Variants in NRXN1 observed in about 807,000 individuals in gnomAD.
The protein encoded by NRXN1 is neurexin-1.
NRXN1 carries 39 observed loss-of-function variants against 150.9 expected under a neutral mutation model. The observed-to-expected ratio is 0.26, with a 90% CI of 0.20 to 0.34. The LOEUF is 0.34. Among genes scored for constraint, NRXN1 ranks in the 10% least tolerant of loss-of-function variants. The probability of loss-of-function intolerance (pLI) is 1.00; values close to 1 mark genes in which losing one functional copy is unlikely to be tolerated. For missense variants in NRXN1, 1,815 were observed against 1,949.9 expected, an observed-to-expected ratio of 0.93 and a Z score of 1.30; for synonymous variants, 924 against 757.0, an observed-to-expected ratio of 1.22 and a Z score of -3.62.
chr2:50,671,130 T>A (rs1365177027), intron 5 of NRXN1, among the ~76,000 whole-genome samples: 1 of 151,856 alleles, frequency 6.6e-6, no homozygotes, highest in Admixed American at 6.6e-5. Flanking sequence ...TTTAAAAACA[T>A]GACTTCTACA....
chr2:50,066,091 T>C (rs1004677566), intron 19 of NRXN1, among the ~76,000 whole-genome samples: 6 of 152,332 alleles, frequency 3.9e-5, no homozygotes, highest in African/African-American at 9.6e-5. Context: ...GTTCCAAAAA[T>C]ACTTCACCTT....
intron 5 of NRXN1, among the ~76,000 whole-genome samples, chr2:50,749,524 A>G (rs1473635160): frequency 6.6e-6 from 1 of 152,066 alleles, no homozygotes; most frequent in African/African-American, 2.4e-5. Context: ...TTGGGAGGAG[A>G]AAATAGAGGC....
At chr2:50,189,366 G>A (rs2061308778) in intron 18 of NRXN1, among the ~76,000 whole-genome samples, 1 of 151,984 alleles carries the variant, frequency 6.6e-6, no homozygotes, top group African/African-American at 2.4e-5. Context: ...GAGCCTGCTG[G>A]GGGTTGGGGG....
At chr2:49,974,208 C>G (rs918562601) in intron 21 of NRXN1, 8 of 697,290 alleles carry the variant, frequency 1.1e-5, no homozygotes, top group African/African-American at 8.8e-5. Context: ...AGAAAACGCT[C>G]TGTCAGTCAC....
At chr2:50,221,189 A>G (rs2063859241) in intron 18 of NRXN1, among the ~76,000 whole-genome samples, 2 of 151,926 alleles carry the variant, frequency 1.3e-5, no homozygotes, top group Non-Finnish European at 2.9e-5. Context: ...GGAAATAAAC[A>G]ACAAAGAACT....
intron 5 of NRXN1, among the ~76,000 whole-genome samples, chr2:50,659,473 T>C (rs962941557): frequency 1.1e-4 from 17 of 151,876 alleles, no homozygotes; most frequent in African/African-American, 3.4e-4. Context: ...ACGCAACACA[T>C]TGGTATACTG....
chr2:50,763,529 G>T (rs1023178584), intron 5 of NRXN1, among the ~76,000 whole-genome samples: 1 of 151,228 alleles, frequency 6.6e-6, no homozygotes, highest in Non-Finnish European at 1.5e-5. Flanking sequence ...TTATTATTAT[G>T]CTAGGCACTT....
intron 18 of NRXN1, among the ~76,000 whole-genome samples, chr2:50,228,656 C>T (rs544548260): frequency 6.6e-6 from 1 of 151,960 alleles, no homozygotes; most frequent in Admixed American, 6.6e-5. Context: ...TATGAAGATA[C>T]CCTTTTTCAT....
At chr2:50,411,097 C>A (rs901612962) in intron 17 of NRXN1, among the ~76,000 whole-genome samples, 1 of 151,648 alleles carries the variant, frequency 6.6e-6, no homozygotes, top group South Asian at 2.1e-4. Context: ...TGATGCCGAG[C>A]GGAGGCTGGA....
chr2:50,383,838 C>T (rs1473728974), intron 17 of NRXN1, among the ~76,000 whole-genome samples: 1 of 152,178 alleles, frequency 6.6e-6, no homozygotes, highest in Admixed American at 6.5e-5. Context: ...ATCAAATCTA[C>T]TCCTGACAGT....
rs1668041398 is a variant in NRXN1 at position 49,920,710 on chromosome 2, GT to G, written c.*1233del. 5.0e-5 allele frequency: 4 copies of G among 79,342 alleles called. No homozygotes were observed. Among genetic ancestry groups the G allele is most frequent in the African/African-American group, 2.0e-4 (4 of 19,864 alleles). 4.9% of individuals were successfully genotyped at this position (79,342 alleles called of 1,614,324 possible). On this transcript the variant is annotated 3_prime_UTR_variant, in exon 23 of 23. Transcript: ENST00000401669. ...TTGCTGTGGATTCGTGTGTGTGTGT[GT>G]GTGTGTGTGTGTGTGTGTGTGTGTG...
chr2:50,868,513 T>C (rs1450695037), intron 5 of NRXN1, among the ~76,000 whole-genome samples: 2 of 151,738 alleles, frequency 1.3e-5, no homozygotes, highest in Non-Finnish European at 2.9e-5. Flanking sequence ...CTATGCAATA[T>C]ATCCCTGTAC....
chr2:50,353,634 T>G (rs1438727782), intron 17 of NRXN1, among the ~76,000 whole-genome samples: 1 of 152,144 alleles, frequency 6.6e-6, no homozygotes, highest in African/African-American at 2.4e-5. Context: ...TATGTTATTA[T>G]TCTTTATTCA....
rs560221068 is a variant in NRXN1, at chr2:50,164,336, T to C, written c.3546+72453A>G. Among the ~76,000 whole-genome samples the C allele has an allele frequency of 4.0e-4, 61 of 152,296 alleles. No individual in the cohort carries two copies. The South Asian group carries it at 4.4e-3, about 11-fold the overall frequency. ...CAACCTGGAGGAATTTATTCTGTGA[T>C]CACGATATTTTCTCTTTTGCATAAG... is the stretch of plus-strand genomic sequence containing the variant. On this transcript the variant is annotated intron_variant, in intron 18 of 22. Transcript: ENST00000401669.
intron 2 of NRXN1, among the ~76,000 whole-genome samples, chr2:51,008,987 T>C (rs1667447096): frequency 6.6e-6 from 1 of 151,886 alleles, no homozygotes; most frequent in South Asian, 2.1e-4. Flanking sequence ...AAAGTATAAC[T>C]AATTTGTGGA....
Position 50,124,875 on chromosome 2 carries a change from T to C in NRXN1, c.3547-33381A>G, listed in dbSNP as rs765957599. 3.9e-5 allele frequency among the ~76,000 whole-genome samples: 6 copies of C among 152,336 alleles called. 1 individual carries two copies. The Middle Eastern group carries it at 0.01, about 259-fold the overall frequency. ...TCAGAGATCCCAGTTCCTCCTGCTGTGACCTTAGCTTCTAGAAGTTCTTTA... is the reference window on the plus strand; with the variant it reads ...TCAGAGATCCCAGTTCCTCCTGCTGCGACCTTAGCTTCTAGAAGTTCTTTA... On this transcript the variant is annotated intron_variant, in intron 18 of 22. Transcript: ENST00000401669.
At chr2:50,867,967 C>A (rs1002662466) in intron 5 of NRXN1, among the ~76,000 whole-genome samples, 1 of 151,126 alleles carries the variant, frequency 6.6e-6, no homozygotes, top group Non-Finnish European at 1.5e-5. Context: ...TTTATAATGA[C>A]CTGAACTGTA....
intron 19 of NRXN1, among the ~76,000 whole-genome samples, chr2:50,073,480 G>A (rs1696601550): frequency 6.6e-6 from 1 of 152,024 alleles, no homozygotes; most frequent in African/African-American, 2.4e-5. Context: ...TACTTATCAG[G>A]CCTCACTCAT....
chr2:50,439,992 A>G (rs1340059559), intron 17 of NRXN1, among the ~76,000 whole-genome samples: 2 of 152,162 alleles, frequency 1.3e-5, no homozygotes, highest in Non-Finnish European at 2.9e-5. Flanking sequence ...CAGAGCATGG[A>G]TTTCAATCTC....
Sources: gnomAD v4.1 joint callset for allele counts (sites outside exome capture counted in the v4.1 genomes callset) on GRCh38, gnomAD v4.1.1 for gene constraint, MANE v1.5 for transcripts, NCBI Gene and HGNC (gene_info 2026-07-23, HGNC 2026-07-21) for gene names.